Variants in FRMPD4 observed in about 807,000 individuals in gnomAD.
FRMPD4 encodes the protein FERM and PDZ domain-containing protein 4.
FRMPD4 carries 22 observed loss-of-function variants against 94.1 expected under a neutral mutation model. The observed-to-expected ratio is 0.23, with a 90% CI of 0.17 to 0.33. The LOEUF (loss-of-function observed/expected upper bound fraction) is 0.33, where lower values mean the gene tolerates loss of function less well. FRMPD4 is among the 10% of genes least tolerant of loss of function. The pLI is 1.00. For missense variants in FRMPD4, 1,111 were observed against 1,339.9 expected, an observed-to-expected ratio of 0.83 and a Z score of 2.67; for synonymous variants, 631 against 548.6, an observed-to-expected ratio of 1.15 and a Z score of -2.10.
intron 1 of FRMPD4, among the ~76,000 whole-genome samples, chrX:12,359,685 G>A (rs936294314): frequency 8.1e-5 from 9 of 110,817 alleles, no homozygotes; most frequent in African/African-American, 3.0e-4. Context: ...GGTCAGGCTG[G>A]TCTTGAACTC....
intron 2 of FRMPD4, among the ~76,000 whole-genome samples, chrX:12,571,498 CTG>C (rs2058760610): frequency 8.9e-6 from 1 of 112,527 alleles, no homozygotes; most frequent in Non-Finnish European, 1.9e-5. Flanking sequence ...TCTTGATTAA[CTG>C]TGTCTTAGTA....
At chrX:11,935,265 A>ATTTTTTTTTTT in intron 3 of FRMPD4, among the ~76,000 whole-genome samples, 1 of 2,599 alleles carries the variant, frequency 3.8e-4, no homozygotes, top group Non-Finnish European at 6.7e-4. Flanking sequence ...TTTTTTTTTA[A>ATTTTTTTTTTT]TGTGTTTTTT....
At chrX:12,599,980 C>T (rs1276596866) in intron 2 of FRMPD4, among the ~76,000 whole-genome samples, 1 of 111,312 alleles carries the variant, frequency 9.0e-6, no homozygotes, top group African/African-American at 3.3e-5. Context: ...TTTGCTATCA[C>T]TGCTGCATTA....
At chrX:11,928,785 G>A (rs2054103561) in intron 3 of FRMPD4, among the ~76,000 whole-genome samples, 2 of 112,172 alleles carry the variant, frequency 1.8e-5, no homozygotes, top group Admixed American at 9.4e-5. Context: ...AATGTAAATT[G>A]TTCTATTATA....
intron 2 of FRMPD4, among the ~76,000 whole-genome samples, chrX:12,523,919 T>C (rs1814834638): frequency 9.1e-6 from 1 of 109,674 alleles, no homozygotes; most frequent in Admixed American, 9.7e-5. Context: ...CTTTGGGAAG[T>C]CAAGGTAGGA....
At chrX:12,434,531 G>A in intron 1 of FRMPD4, among the ~76,000 whole-genome samples, 1 of 112,465 alleles carries the variant, frequency 8.9e-6, no homozygotes, top group Non-Finnish European at 1.9e-5. Context: ...GATTCTTCTA[G>A]AAGCTCCCAG....
At chrX:12,212,200 T>C (rs192279915) in intron 1 of FRMPD4, among the ~76,000 whole-genome samples, 2 of 111,580 alleles carry the variant, frequency 1.8e-5, no homozygotes, top group African/African-American at 6.5e-5. Flanking sequence ...AAACAACCAT[T>C]TAAAAATGTA....
At chrX:12,437,621 A>T (rs2057084807) in intron 1 of FRMPD4, among the ~76,000 whole-genome samples, 1 of 111,514 alleles carries the variant, frequency 9.0e-6, no homozygotes, top group Admixed American at 9.6e-5. Context: ...AGTTTTACTC[A>T]GCCCTTTAAA....
intron 1 of FRMPD4, among the ~76,000 whole-genome samples, chrX:11,848,472 A>G (rs187494457): frequency 9.1e-6 from 1 of 109,533 alleles, no homozygotes; most frequent in Admixed American, 9.8e-5. Context: ...TGGGCTAGGG[A>G]ATATATTCAG....
chrX:11,872,429 G>C (rs187343210), intron 2 of FRMPD4, among the ~76,000 whole-genome samples: 5 of 112,230 alleles, frequency 4.5e-5, no homozygotes, highest in Admixed American at 9.5e-5. Context: ...CTTCAGGAAG[G>C]CTGAAAGGGA....
chrX:11,948,983 T>C (rs1291930721), intron 3 of FRMPD4, among the ~76,000 whole-genome samples: 1 of 111,693 alleles, frequency 9.0e-6, no homozygotes. Flanking sequence ...AACCAAAAGA[T>C]AGATATTTGT....
intron 1 of FRMPD4, among the ~76,000 whole-genome samples, chrX:12,280,493 C>T (rs772710282): frequency 1.8e-5 from 2 of 110,212 alleles, no homozygotes; most frequent in African/African-American, 6.6e-5. Context: ...CCAGGCCTCC[C>T]CTTCCTGGTA....
At chrX:12,427,935 A>G (rs766626154) in intron 1 of FRMPD4, among the ~76,000 whole-genome samples, 70 of 66,068 alleles carry the variant, frequency 1.1e-3, no homozygotes, top group Non-Finnish European at 1.7e-3. Context: ...TTTGAGACGG[A>G]GTCTCACTGT....
At chrX:12,658,595 C>T (rs909866968) in intron 4 of FRMPD4, among the ~76,000 whole-genome samples, 2 of 111,982 alleles carry the variant, frequency 1.8e-5, no homozygotes, top group Non-Finnish European at 3.8e-5. Context: ...CAACAGAGCA[C>T]ACAACCTGGT....
intron 1 of FRMPD4, among the ~76,000 whole-genome samples, chrX:12,456,813 G>A (rs1469195481): frequency 8.9e-6 from 1 of 112,803 alleles, no homozygotes; most frequent in Non-Finnish European, 1.9e-5. Context: ...ATGCTTCAGA[G>A]TTTGAACAAA....
chrX:12,118,886 G>A (rs2055431489), intron 3 of FRMPD4, among the ~76,000 whole-genome samples: 1 of 111,368 alleles, frequency 9.0e-6, no homozygotes, highest in African/African-American at 3.3e-5. Flanking sequence ...CATAACCACA[G>A]GATATATCCC....
At chrX:12,018,419 G>GT (rs756778511) in intron 3 of FRMPD4, among the ~76,000 whole-genome samples, 19 of 107,531 alleles carry the variant, frequency 1.8e-4, no homozygotes, top group Middle Eastern at 4.7e-3. Context: ...TTGTTTTTTT[G>GT]TTTTTTTTGT....
At position 12,273,740 on chromosome X, in the gene FRMPD4, T is replaced by C. The variant is rs1170428453; in HGVS notation, c.41+134728T>C. Among the ~76,000 whole-genome samples the C allele has an allele frequency of 2.7e-5, 3 of 112,242 alleles. 1 individual carries two copies. Among genetic ancestry groups the C allele is most frequent in the Non-Finnish European group, 5.6e-5 (3 of 53,288 alleles). ...ATCCCCTGCTAAGAGCATGAAAATC[T>C]GTATGTGGCTCTTTTATGCTTCATG... On this transcript the variant is annotated intron_variant, in intron 1 of 16. Transcript: ENST00000675598.
At chrX:12,511,431 C>A (rs747356081) in intron 2 of FRMPD4, among the ~76,000 whole-genome samples, 1 of 110,757 alleles carries the variant, frequency 9.0e-6, no homozygotes, top group South Asian at 3.8e-4. Flanking sequence ...ATAAGCATAT[C>A]AACAAAGAGA....
Sources: gnomAD v4.1 joint callset for allele counts (sites outside exome capture counted in the v4.1 genomes callset) on GRCh38, gnomAD v4.1.1 for gene constraint, MANE v1.5 for transcripts, NCBI Gene and HGNC (gene_info 2026-07-23, HGNC 2026-07-21) for gene names.